Variants in BCL2L14 observed in about 807,000 individuals in gnomAD.
BCL2L14 encodes the protein BCL2 like 14.
In BCL2L14, 27 loss-of-function variants were observed where a neutral mutation model predicts 35.3. The observed-to-expected ratio is 0.76, with a 90% CI of 0.56 to 1.05. BCL2L14 has a LOEUF of 1.05. Ranked by LOEUF, BCL2L14 falls within the 50% of genes least tolerant of loss-of-function variation. The probability of loss-of-function intolerance (pLI) is 0.00; values close to 1 mark genes in which losing one functional copy is unlikely to be tolerated. For missense variants in BCL2L14, 377 were observed against 382.6 expected (o/e 0.99, Z 0.12); for synonymous variants, 139 against 145.9 (o/e 0.95, Z 0.34).
At chr12:12,055,883 G>C (rs945876133) in intron 2 of BCL2L14, 3 of 152,122 alleles carry the variant, frequency 2.0e-5, no homozygotes, top group South Asian at 2.1e-4. Flanking sequence ...CTGTGTCCTT[G>C]ACCAAACTTT....
rs1352773207 is a variant in BCL2L14, at chr12:12,060,740, G to C, written c.-272+8893G>C. On this transcript the variant is annotated intron_variant, in intron 2 of 3. Coordinates refer to the BCL2L14 transcript ENST00000461264. Reference sequence around the variant, plus strand: ...ATTCCTCCTAAGCCGTGTCCCATCTGTGCGGGACCCCACTGGAAATCAGAC... The same window carrying C: ...ATTCCTCCTAAGCCGTGTCCCATCTCTGCGGGACCCCACTGGAAATCAGAC... Among the ~76,000 whole-genome samples, 11 of 81,404 alleles carry C rather than the reference G, an allele frequency of 1.4e-4. No individual in the cohort carries two copies. The South Asian group carries it at 6.3e-3, about 46-fold the overall frequency. The allele number at this position is 81,404 out of a possible 152,430, so 53.4% of individuals were successfully genotyped here.
intron 1 of BCL2L14, among the ~76,000 whole-genome samples, chr12:12,076,049 C>T (rs1342797046): frequency 6.7e-6 from 1 of 149,276 alleles, no homozygotes; most frequent in Non-Finnish European, 1.5e-5. Context: ...ATAGGGTCAC[C>T]AGATGTCCAG....
intron 1 of BCL2L14, among the ~76,000 whole-genome samples, chr12:12,079,087 A>C (rs1333081186): frequency 6.6e-6 from 1 of 151,976 alleles, no homozygotes; most frequent in Non-Finnish European, 1.5e-5. Flanking sequence ...GAGCCACCGC[A>C]CCCGGCAGTT....
chr12:12,067,146 C>G (rs1049857236), upstream of BCL2L14, among the ~76,000 whole-genome samples: 3 of 152,016 alleles, frequency 2.0e-5, no homozygotes, highest in Non-Finnish European at 4.4e-5. Context: ...CTCACTGCAA[C>G]CTCTGCCTCC....
At chr12:12,090,983 C>A in intron 4 of BCL2L14, 134 bp downstream of exon 4, 1 of 508,344 alleles carries the variant, frequency 2.0e-6, no homozygotes. Context: ...AATTTTATTT[C>A]CCTTGGAGTC....
At chr12:12,073,851 G>A (rs1948722517) in intron 1 of BCL2L14, among the ~76,000 whole-genome samples, 1 of 151,990 alleles carries the variant, frequency 6.6e-6, no homozygotes, top group Admixed American at 6.6e-5. Context: ...TTCCATGTCT[G>A]GTCTCTTGCT....
intron 3 of BCL2L14, among the ~76,000 whole-genome samples, chr12:12,087,662 G>A (rs1949077395): frequency 6.6e-6 from 1 of 152,262 alleles, no homozygotes; most frequent in Non-Finnish European, 1.5e-5. Context: ...CCCGCATTCA[G>A]CCTTGTCTGT....
upstream of BCL2L14, among the ~76,000 whole-genome samples, chr12:12,070,480 T>A (rs1948652585): frequency 6.6e-6 from 1 of 151,530 alleles, no homozygotes; most frequent in East Asian, 1.9e-4. Context: ...AGGCCAGGAG[T>A]TCGAGACCAA....
chr12:12,087,122 C>T, intron 2 of BCL2L14, 91 bp from the exon 3 acceptor site: 1 of 1,383,962 alleles, frequency 7.2e-7, no homozygotes, highest in Non-Finnish European at 1.0e-6. Flanking sequence ...TCTATTCTGG[C>T]CTGGTCTTTT....
chr12:12,083,086 T>A (rs1212558917), intron 2 of BCL2L14, among the ~76,000 whole-genome samples: 1 of 152,150 alleles, frequency 6.6e-6, no homozygotes, highest in East Asian at 1.9e-4. Context: ...TGCCTCAGCC[T>A]CCCGAGTAGC....
At chr12:12,094,979 TG>T in intron 5 of BCL2L14, 49 bp downstream of exon 5, 1 of 1,552,164 alleles carries the variant, frequency 6.4e-7, no homozygotes, top group African/African-American at 1.4e-5. Context: ...TCAGAAGAGA[TG>T]GGATGGATTT....
chr12:12,078,056 G>C (rs1236172430), intron 1 of BCL2L14: 1 of 377,086 alleles, frequency 2.7e-6, no homozygotes, highest in Middle Eastern at 4.8e-4. Context: ...AAGAAGAAAT[G>C]CTTGCATCCT....
intron 3 of BCL2L14, among the ~76,000 whole-genome samples, chr12:12,087,767 T>C (rs999416396): frequency 6.6e-6 from 1 of 152,226 alleles, no homozygotes; most frequent in Admixed American, 6.5e-5. Context: ...GGGATTTATA[T>C]TATAACATTG....
At chr12:12,089,471 G>A (rs903980269) in intron 3 of BCL2L14, among the ~76,000 whole-genome samples, 1 of 151,932 alleles carries the variant, frequency 6.6e-6, no homozygotes, top group African/African-American at 2.4e-5. Flanking sequence ...CGAGGCGGAC[G>A]GATCTCTTGA....
At chr12:12,058,236 G>C (rs1489189030) in intron 2 of BCL2L14, among the ~76,000 whole-genome samples, 1 of 149,222 alleles carries the variant, frequency 6.7e-6, no homozygotes, top group African/African-American at 2.5e-5. Context: ...ACAGGCGTGA[G>C]TCATTGTGCC....
intron 4 of BCL2L14, 93 bp downstream of exon 4, chr12:12,090,942 C>A: frequency 1.1e-6 from 1 of 891,774 alleles, no homozygotes; most frequent in Admixed American, 2.8e-5. Flanking sequence ...ACCTTATTCC[C>A]TTTCTAAGTC....
intron 1 of BCL2L14, among the ~76,000 whole-genome samples, chr12:12,074,631 G>GTT (rs1298052620): frequency 6.6e-6 from 1 of 151,918 alleles, no homozygotes; most frequent in African/African-American, 2.4e-5. Context: ...TAGAGACAAA[G>GTT]TTTCACCATG....
intron 2 of BCL2L14, among the ~76,000 whole-genome samples, chr12:12,082,552 T>C (rs912968346): frequency 1.3e-5 from 2 of 152,258 alleles, no homozygotes; most frequent in Non-Finnish European, 1.5e-5. Flanking sequence ...GGAGTGTCAT[T>C]TGACATTTTT....
intron 2 of BCL2L14, among the ~76,000 whole-genome samples, chr12:12,083,849 G>A (rs1948981633): frequency 1.3e-5 from 2 of 152,190 alleles, no homozygotes; most frequent in Admixed American, 6.5e-5. Flanking sequence ...TCGAGAGGCT[G>A]AAGGAGGAGA....
Sources: gnomAD v4.1 joint callset for allele counts (sites outside exome capture counted in the v4.1 genomes callset) on GRCh38, gnomAD v4.1.1 for gene constraint, MANE v1.5 for transcripts, NCBI Gene and HGNC (gene_info 2026-07-23, HGNC 2026-07-21) for gene names.